The following GPATCH2 variants were observed in gnomAD, a reference collection of about 807,000 sequenced individuals.
GPATCH2 encodes G-patch domain containing 2.
In GPATCH2, 51 loss-of-function variants were observed where a neutral mutation model predicts 58.0. The observed-to-expected ratio is 0.88, with a 90% CI of 0.70 to 1.11. The LOEUF is 1.11. Ranked by LOEUF, GPATCH2 falls within the 50% of genes most tolerant of loss-of-function variation. The pLI is 0.00. For missense variants in GPATCH2, 625 were observed against 652.2 expected (o/e 0.96, Z 0.45); for synonymous variants, 222 against 218.5 (o/e 1.02, Z -0.14).
At chr1:217,457,902 T>C (rs1660016147) in intron 8 of GPATCH2, among the ~76,000 whole-genome samples, 2 of 152,220 alleles carry the variant, frequency 1.3e-5, no homozygotes, top group African/African-American at 4.8e-5. Flanking sequence ...GCAGATTCTC[T>C]CTTGGCCACC....
intron 5 of GPATCH2, among the ~76,000 whole-genome samples, chr1:217,531,448 T>C (rs980156223): frequency 6.6e-6 from 1 of 152,338 alleles, no homozygotes. Flanking sequence ...GGTTAAATAC[T>C]GTAGTCTTTC....
intron 5 of GPATCH2, among the ~76,000 whole-genome samples, chr1:217,524,806 C>T (rs961613072): frequency 7.7e-6 from 1 of 130,210 alleles, no homozygotes; most frequent in East Asian, 2.3e-4. Flanking sequence ...GCCGAGATGG[C>T]AGCAGTACAG....
At position 217,428,507 on chromosome 1, in the gene GPATCH2, A is replaced by G. The variant is rs866065360; in HGVS notation, c.*2638T>C. On this transcript the variant is annotated 3_prime_UTR_variant, in exon 10 of 10. Coordinates refer to ENST00000366935, the MANE Select transcript of GPATCH2 (RefSeq NM_018040.5). ...TGCGTTTGTTTCTCCAATTAAGTTC[A>G]GGTACAACCAGAACATCAGGTCTGT... is the stretch of plus-strand genomic sequence containing the variant. 6.6e-6 allele frequency: 1 copy of G among 152,332 alleles called. No individual in the cohort carries two copies. The highest frequency in any genetic ancestry group is 3.4e-3 in the Middle Eastern group (1 of 294). 9.4% of individuals were successfully genotyped at this position (152,332 alleles called of 1,614,324 possible). A position where few individuals can be genotyped will look rare whatever the true frequency, so the allele number is the denominator to read the frequency against.
chr1:217,570,221 C>T (rs1666467631), intron 5 of GPATCH2, among the ~76,000 whole-genome samples: 1 of 152,158 alleles, frequency 6.6e-6, no homozygotes, highest in Non-Finnish European at 1.5e-5. Flanking sequence ...CAGCGATTCT[C>T]CTGCCTCAGT....
intron 1 of GPATCH2, among the ~76,000 whole-genome samples, chr1:217,622,567 G>A (rs551018235): frequency 4.1e-4 from 63 of 152,172 alleles, no homozygotes; most frequent in South Asian, 8.3e-4. Flanking sequence ...TGTTTGAGAC[G>A]GAGTCTCGCT....
chr1:217,518,537 C>G (rs1663290770), intron 5 of GPATCH2, among the ~76,000 whole-genome samples: 1 of 152,124 alleles, frequency 6.6e-6, no homozygotes. Flanking sequence ...CCAATGCATG[C>G]CATACTATTC....
intron 5 of GPATCH2, among the ~76,000 whole-genome samples, chr1:217,531,229 CAT>C (rs1245668908): frequency 6.6e-6 from 1 of 152,294 alleles, no homozygotes; most frequent in Middle Eastern, 3.4e-3. Flanking sequence ...TAGAATTACA[CAT>C]ATGTTTGTCT....
chr1:217,473,280 A>AGTGTGTGT (rs71166009), intron 8 of GPATCH2, among the ~76,000 whole-genome samples: 105 of 142,312 alleles, frequency 7.4e-4, no homozygotes, highest in African/African-American at 2.1e-3. Flanking sequence ...GGTTTAGTTC[A>AGTGTGTGT]GTGTGTGTGT....
chr1:217,502,330 G>A (rs146162239), intron 6 of GPATCH2, among the ~76,000 whole-genome samples: 51 of 152,042 alleles, frequency 3.4e-4, no homozygotes, highest in African/African-American at 1.2e-3. Flanking sequence ...TCCTTACTAT[G>A]TTGAATCTTC....
intron 8 of GPATCH2, among the ~76,000 whole-genome samples, chr1:217,450,458 T>G (rs1173886354): frequency 1.3e-5 from 2 of 152,122 alleles, no homozygotes; most frequent in Non-Finnish European, 2.9e-5. Context: ...GAGAGTACAG[T>G]TATTTCAAAT....
At chr1:217,471,377 A>C (rs187907773) in intron 8 of GPATCH2, among the ~76,000 whole-genome samples, 1 of 152,288 alleles carries the variant, frequency 6.6e-6, no homozygotes, top group East Asian at 1.9e-4. Flanking sequence ...AAAATGTCAT[A>C]ATTAATAGTT....
At chr1:217,450,488 C>A (rs562612763) in intron 8 of GPATCH2, among the ~76,000 whole-genome samples, 1 of 152,048 alleles carries the variant, frequency 6.6e-6, no homozygotes. Context: ...ATTTATAAAG[C>A]ACAAAGTACA....
chr1:217,547,268 C>G (rs908124804), intron 5 of GPATCH2, among the ~76,000 whole-genome samples: 1 of 151,812 alleles, frequency 6.6e-6, no homozygotes, highest in African/African-American at 2.4e-5. Flanking sequence ...GAAGCTGAGG[C>G]AGGAGAATTG....
At chr1:217,563,766 C>T (rs1036167314) in intron 5 of GPATCH2, among the ~76,000 whole-genome samples, 12 of 152,216 alleles carry the variant, frequency 7.9e-5, no homozygotes, top group South Asian at 4.2e-4. Flanking sequence ...ATATGTAGGC[C>T]GGGCGCAGTG....
chr1:217,497,701 C>T (rs1329938637), intron 7 of GPATCH2, among the ~76,000 whole-genome samples: 1 of 152,074 alleles, frequency 6.6e-6, no homozygotes, highest in Non-Finnish European at 1.5e-5. Flanking sequence ...TAACTTTTAT[C>T]ATTCACAATA....
chr1:217,512,247 G>A (rs892364610), intron 6 of GPATCH2, among the ~76,000 whole-genome samples: 2 of 152,126 alleles, frequency 1.3e-5, no homozygotes, highest in Non-Finnish European at 2.9e-5. Flanking sequence ...ACGTAAGCCT[G>A]GGAGGTTGAG....
intron 5 of GPATCH2, chr1:217,609,365 A>G (rs943155521): frequency 1.0e-6 from 1 of 984,606 alleles, no homozygotes; most frequent in Non-Finnish European, 1.2e-6. Context: ...CAGCTTTCAC[A>G]TGTTTCATTA....
chr1:217,457,044 C>T (rs116803110), intron 8 of GPATCH2, among the ~76,000 whole-genome samples: 1 of 152,208 alleles, frequency 6.6e-6, no homozygotes, highest in South Asian at 2.1e-4. Flanking sequence ...ATGAAAGATA[C>T]AAATTATAAC....
At chr1:217,589,000 A>C (rs1359328823) in intron 5 of GPATCH2, among the ~76,000 whole-genome samples, 2 of 152,186 alleles carry the variant, frequency 1.3e-5, no homozygotes, top group Non-Finnish European at 2.9e-5. Flanking sequence ...GGACATTTTC[A>C]TCGAAGGAAG....
Sources: gnomAD v4.1 joint callset for allele counts (sites outside exome capture counted in the v4.1 genomes callset) on GRCh38, gnomAD v4.1.1 for gene constraint, MANE v1.5 for transcripts, NCBI Gene and HGNC (gene_info 2026-07-23, HGNC 2026-07-21) for gene names.